The following EIF2AK2 variants were observed in gnomAD, a reference collection of about 807,000 sequenced individuals.
The protein encoded by EIF2AK2 is interferon-induced, double-stranded RNA-activated protein kinase.
A neutral mutation model predicts 70.5 loss-of-function variants in EIF2AK2; 40 were observed. The observed-to-expected ratio is 0.57, with a 90% CI of 0.44 to 0.74. EIF2AK2 has a LOEUF of 0.74. EIF2AK2 is among the 30% of genes least tolerant of loss of function. The pLI is 0.00. For missense variants in EIF2AK2, 555 were observed against 644.3 expected, an observed-to-expected ratio of 0.86 and a Z score of 1.50; for synonymous variants, 198 against 220.9, an observed-to-expected ratio of 0.90 and a Z score of 0.92.
In EIF2AK2 at chr2:37,119,993, A is replaced by G. The variant is rs765483661; in HGVS notation, c.1214T>C (p.Ile405Thr). Residue 405 changes from isoleucine to threonine, a missense_variant, in exon 13 of 17, where the codon ATA becomes ACA. Physicochemically the swap from Ile to Thr is moderately conservative, Grantham distance 89 (BLOSUM62 -1). Coordinates refer to ENST00000233057, the MANE Select transcript of EIF2AK2 (RefSeq NM_001135651.3). ...TCTATGAATTAATTTTTTTGAATGT[A>G]TATAATCCACCCCTTTTGTTATTTG... ...FEQITKGVDY[I>T]HSKKLIHRDL... The G allele has an allele frequency of 1.3e-6, 2 of 1,517,400 alleles. No individual in the cohort carries two copies. Among genetic ancestry groups the G allele is most frequent in the Non-Finnish European group, 1.8e-6 (2 of 1,127,762 alleles). The allele number at this position is 1,517,400 out of a possible 1,614,324, so 94.0% of individuals were successfully genotyped here.
At chr2:37,117,078 T>C (rs1398353471) in intron 13 of EIF2AK2, among the ~76,000 whole-genome samples, 1 of 151,818 alleles carries the variant, frequency 6.6e-6, no homozygotes, top group East Asian at 1.9e-4. Flanking sequence ...CTGGGCATCA[T>C]GGCAGGCGCC....
chr2:37,143,679 T>A (rs972564309), intron 4 of EIF2AK2, among the ~76,000 whole-genome samples: 11 of 150,602 alleles, frequency 7.3e-5, no homozygotes, highest in African/African-American at 2.7e-4. Flanking sequence ...AGTCCAGGAG[T>A]TCAAGACCAG....
intron 15 of EIF2AK2, among the ~76,000 whole-genome samples, chr2:37,107,978 T>C (rs1369876663): frequency 6.6e-6 from 1 of 152,004 alleles, no homozygotes; most frequent in Non-Finnish European, 1.5e-5. Flanking sequence ...AAACCCCATC[T>C]CTACTAAATA....
At chr2:37,108,789 C>T (rs192160666) in intron 15 of EIF2AK2, among the ~76,000 whole-genome samples, 58 of 152,252 alleles carry the variant, frequency 3.8e-4, no homozygotes, top group African/African-American at 1.3e-3. Context: ...AGGCTGGTCT[C>T]GAACACCTGA....
chr2:37,154,863 T>A (rs1458283153), intron 1 of EIF2AK2, among the ~76,000 whole-genome samples: 1 of 152,142 alleles, frequency 6.6e-6, no homozygotes, highest in East Asian at 1.9e-4. Context: ...CACCTGGGCC[T>A]GGTTTTCTTC....
Position 37,139,708 on chromosome 2 carries a change from CTG to C in EIF2AK2, c.437_438del (p.Thr146ArgfsTer4), listed in dbSNP as rs763099901. The C allele has an allele frequency of 9.3e-6, 15 of 1,613,872 alleles. No individual in the cohort carries two copies. Among genetic ancestry groups the C allele is most frequent in the African/African-American group, 1.3e-5 (1 of 75,016 alleles). ...KMGQKEYSIG[T>X]GSTKQEAKQL... ...TGTTTTGCTTCCTGTTTAGTAGAAC[CTG>C]TACCAATACTATATTCTTTCTGTCC... On this transcript the variant is annotated frameshift_variant, in exon 6 of 17. Transcript: ENST00000233057. LOFTEE classifies it high-confidence loss of function.
chr2:37,147,661 G>C, intron 3 of EIF2AK2, 27 bp downstream of exon 3: 3 of 1,431,256 alleles, frequency 2.1e-6, no homozygotes, highest in Non-Finnish European at 2.0e-6. Flanking sequence ...TTTTATGGCT[G>C]CCATATCATT....
At chr2:37,154,844 G>A (rs557194865) in intron 1 of EIF2AK2, among the ~76,000 whole-genome samples, 2 of 152,240 alleles carry the variant, frequency 1.3e-5, no homozygotes, top group South Asian at 2.1e-4. Flanking sequence ...TTACAGGCAT[G>A]AGCCATGGCA....
At chr2:37,143,235 A>G (rs1675402175) in intron 4 of EIF2AK2, among the ~76,000 whole-genome samples, 1 of 151,976 alleles carries the variant, frequency 6.6e-6, no homozygotes, top group East Asian at 1.9e-4. Flanking sequence ...AAAAAAAAAA[A>G]AAAAAGAATC....
At chr2:37,118,881 T>C (rs929513726) in intron 13 of EIF2AK2, among the ~76,000 whole-genome samples, 3 of 152,214 alleles carry the variant, frequency 2.0e-5, no homozygotes, top group African/African-American at 7.2e-5. Flanking sequence ...TATTCCTTGC[T>C]GTTTTAGAGG....
intron 12 of EIF2AK2, among the ~76,000 whole-genome samples, chr2:37,121,810 C>G (rs1272665839): frequency 2.0e-5 from 3 of 152,192 alleles, no homozygotes; most frequent in Non-Finnish European, 4.4e-5. Context: ...TTCTCACTTA[C>G]ACGACATGGA....
chr2:37,155,644 A>C (rs1253816440), intron 1 of EIF2AK2, among the ~76,000 whole-genome samples: 1 of 152,212 alleles, frequency 6.6e-6, no homozygotes, highest in Non-Finnish European at 1.5e-5. Context: ...ATCTGGAAGA[A>C]ACCTCCATCA....
chr2:37,101,365 A>G lies in EIF2AK2; in HGVS notation c.*5908T>C, dbSNP rs150570207. 5.9e-5 allele frequency: 9 copies of G among 152,364 alleles called. No homozygotes were observed. In the East Asian group the frequency reaches 1.7e-3, roughly 29 times the overall value. The allele number at this position is 152,364 out of a possible 1,614,324, so 9.4% of individuals were successfully genotyped here. ...GATAGAACCAGAAAATCACTATTTT[A>G]CAACCCCTGAAATGAAATAATGGAT... On this transcript the variant is annotated 3_prime_UTR_variant, in exon 17 of 17. Transcript: ENST00000233057.
chr2:37,111,907 A>C (rs1214877946), intron 14 of EIF2AK2, among the ~76,000 whole-genome samples: 2 of 110,872 alleles, frequency 1.8e-5, no homozygotes, highest in Admixed American at 1.0e-4. Flanking sequence ...ATATATATAT[A>C]TATATCATAA....
At position 37,139,646 on chromosome 2, in the gene EIF2AK2, T is replaced by C; in HGVS notation, c.501A>G (p.Ser167=). Residue 167 remains serine (S), a synonymous_variant, in exon 6 of 17, where the codon TCA becomes TCG. Transcript: ENST00000233057. ...AAKLAYLQIL[S]EETSVKSDYL... ...CAATACGTACCACTGAGGTTTCTTC[T>C]GATAATATCTGAAGATATGCAAGTT... 1.2e-6 allele frequency: 2 copies of C among 1,613,624 alleles called. No individual in the cohort carries two copies. The highest frequency in any genetic ancestry group is 1.3e-5 in the African/African-American group (1 of 75,026).
Position 37,141,623 on chromosome 2 carries a change from T to C in EIF2AK2, c.319A>G (p.Arg107Gly). Residue 107 changes from arginine to glycine, a missense_variant, in exon 5 of 17, where the codon AGA (arginine) becomes GGA (glycine). Coordinates refer to ENST00000233057, the MANE Select transcript of EIF2AK2 (RefSeq NM_001135651.3). ...SMGNYIGLINRIAQKKRLTVN... is the reference protein window; with the variant it reads ...SMGNYIGLINGIAQKKRLTVN... ...GTTAGTCTTTTCTTCTGGGCAATTC[T>C]ATTGATAAGGCCTATGTAATTCCCC... 1 of 1,614,180 alleles carries C rather than the reference T, an allele frequency of 6.2e-7. No individual in the cohort carries two copies. Among genetic ancestry groups the C allele is most frequent in the Non-Finnish European group, 8.5e-7 (1 of 1,180,014 alleles).
At chr2:37,132,046 C>A (rs1674959257) in intron 10 of EIF2AK2, among the ~76,000 whole-genome samples, 1 of 152,082 alleles carries the variant, frequency 6.6e-6, no homozygotes, top group African/African-American at 2.4e-5. Context: ...AGCTCTACTT[C>A]CAAAAAAGGC....
At chr2:37,126,513 T>G in intron 10 of EIF2AK2, 102 bp from the exon 11 acceptor site, 1 of 1,473,448 alleles carries the variant, frequency 6.8e-7, no homozygotes, top group Non-Finnish European at 9.0e-7. Flanking sequence ...AAATGGACAA[T>G]AAAACAAATT....
At chr2:37,129,874 G>A (rs922689607) in intron 10 of EIF2AK2, among the ~76,000 whole-genome samples, 1 of 152,006 alleles carries the variant, frequency 6.6e-6, no homozygotes, top group African/African-American at 2.4e-5. Flanking sequence ...CTCAAGAACA[G>A]AACCCTTCCT....
Sources: allele counts gnomAD v4.1 joint callset (sites outside exome capture counted in the v4.1 genomes callset), GRCh38; gene constraint gnomAD v4.1.1; transcripts MANE v1.5; gene names NCBI Gene and HGNC (gene_info 2026-07-23, HGNC 2026-07-21).